Variants in CALN1 observed in about 807,000 individuals in gnomAD.
CALN1 encodes calneuron 1, also known as calcium-binding protein 8.
In CALN1, 17 loss-of-function variants were observed where a neutral mutation model predicts 30.6. The observed-to-expected ratio is 0.56, with a 90% CI of 0.38 to 0.83. CALN1 has a LOEUF of 0.83. Ranked by LOEUF, CALN1 falls within the 40% of genes least tolerant of loss-of-function variation. CALN1 has a pLI of 0.00. For missense variants in CALN1, 291 were observed against 354.9 expected, an observed-to-expected ratio of 0.82 and a Z score of 1.45; for synonymous variants, 156 against 131.4, an observed-to-expected ratio of 1.19 and a Z score of -1.28.
intron 3 of CALN1, among the ~76,000 whole-genome samples, chr7:72,195,947 T>C (rs796260490): frequency 1.1e-4 from 17 of 152,260 alleles, no homozygotes; most frequent in African/African-American, 4.1e-4. Context: ...TGAAGGAAAC[T>C]TGAAAACATT....
chr7:72,275,049 A>G lies in CALN1; in HGVS notation c.244+3637T>C, dbSNP rs1214577317. ...TTGGCCCTTACACTGGAGGAAAGGG[A>G]TTTTCCATCATTGGTGATAAACACG... On this transcript the variant is annotated intron_variant, in intron 3 of 6. Coordinates refer to ENST00000395275, the MANE Select transcript of CALN1 (RefSeq NM_031468.4). 2.0e-5 allele frequency among the ~76,000 whole-genome samples: 3 copies of G among 151,966 alleles called. No individual in the cohort carries two copies. The East Asian group carries it at 5.8e-4, about 29-fold the overall frequency.
the CALN1 span, among the ~76,000 whole-genome samples, chr7:72,489,339 T>C: frequency 6.6e-5 from 10 of 152,350 alleles, no homozygotes; most frequent in Middle Eastern, 3.4e-3. Context: ...CACAGTCTTA[T>C]CTGTAAATAT....
At chr7:72,405,031 G>A (rs1465398924) in intron 1 of CALN1, among the ~76,000 whole-genome samples, 2 of 152,188 alleles carry the variant, frequency 1.3e-5, no homozygotes, top group Non-Finnish European at 2.9e-5. Flanking sequence ...GGACCAGATG[G>A]TGTCTGGGTG....
intron 3 of CALN1, among the ~76,000 whole-genome samples, chr7:72,119,859 G>T (rs1256305949): frequency 1.3e-5 from 2 of 152,146 alleles, no homozygotes; most frequent in Non-Finnish European, 2.9e-5. Flanking sequence ...TGTGGGAATT[G>T]TGGGAGCTAA....
chr7:71,785,804 C>G lies in CALN1; in HGVS notation c.*1971G>C. 6.5e-6 allele frequency: 1 copy of G among 153,250 alleles called. No homozygotes were observed. Among genetic ancestry groups the G allele is most frequent in the Non-Finnish European group, 1.5e-5 (1 of 68,502 alleles). 9.5% of individuals were successfully genotyped at this position (153,250 alleles called of 1,614,324 possible). On this transcript the variant is annotated 3_prime_UTR_variant, in exon 7 of 7. Coordinates refer to ENST00000395275, the MANE Select transcript of CALN1 (RefSeq NM_031468.4). ...AAGGGGACAGTGGTGAGTCAGCCAA[C>G]AGGAGCAGCAGAAGGGGCAGGCATG...
chr7:72,392,252 C>A (rs1471205891), intron 2 of CALN1, among the ~76,000 whole-genome samples: 1 of 152,214 alleles, frequency 6.6e-6, no homozygotes, highest in Non-Finnish European at 1.5e-5. Flanking sequence ...GTTTCTCCAA[C>A]AGAGGTACCA....
intron 3 of CALN1, among the ~76,000 whole-genome samples, chr7:72,239,719 GAC>G (rs1381703314): frequency 6.6e-6 from 1 of 151,994 alleles, no homozygotes. Context: ...ATTTTCTAAT[GAC>G]ACAGAATGCC....
chr7:72,357,742 G>C (rs1000213972), intron 2 of CALN1, among the ~76,000 whole-genome samples: 8 of 151,066 alleles, frequency 5.3e-5, no homozygotes, highest in East Asian at 1.9e-4. Context: ...TGTTGGCAGA[G>C]GTAAAAAGAA....
chr7:72,203,860 T>C (rs1791613324), intron 3 of CALN1, among the ~76,000 whole-genome samples: 2 of 151,824 alleles, frequency 1.3e-5, no homozygotes, highest in African/African-American at 2.4e-5. Flanking sequence ...GCAGAAGATA[T>C]ACAAAAGCCA....
chr7:71,790,953 G>A (rs1453544582), intron 6 of CALN1, among the ~76,000 whole-genome samples: 1 of 152,104 alleles, frequency 6.6e-6, no homozygotes, highest in Non-Finnish European at 1.5e-5. Flanking sequence ...AGACTGCGTA[G>A]CAAAAGAAAA....
At chr7:72,044,599 CTTTTTTTTTTTT>C (rs549079139) in intron 4 of CALN1, among the ~76,000 whole-genome samples, 1,806 of 96,702 alleles carry the variant, frequency 0.019, 63 homozygotes, top group African/African-American at 0.066. Flanking sequence ...CCGCTTAAAA[CTTTTTTTTTTTT>C]TTTTTTTTTT....
intron 6 of CALN1, among the ~76,000 whole-genome samples, chr7:71,805,941 A>G (rs1276852452): frequency 6.6e-6 from 1 of 152,196 alleles, no homozygotes; most frequent in Non-Finnish European, 1.5e-5. Flanking sequence ...TTGCAGGGAC[A>G]TAGATGGAGC....
rs61218281 is a variant in CALN1 at position 71,998,574 on chromosome 7, CT to C, written c.501+25082del. Among the ~76,000 whole-genome samples the C allele has an allele frequency of 4.5e-3, 646 of 142,550 alleles. 1 individual carries two copies. Among genetic ancestry groups the C allele is most frequent in the Middle Eastern group, 7.4e-3 (2 of 272 alleles). 93.5% of individuals were successfully genotyped at this position (142,550 alleles called of 152,430 possible). On this transcript the variant is annotated intron_variant, in intron 5 of 6. Coordinates refer to ENST00000395275, the MANE Select transcript of CALN1 (RefSeq NM_031468.4). ...TACAAAAACTATACGAACAGATATA[CT>C]TTTTTTTTTTTTTTGAGACAGTCTC...
intron 3 of CALN1, among the ~76,000 whole-genome samples, chr7:72,265,685 A>G (rs1796552159): frequency 6.6e-6 from 1 of 152,116 alleles, no homozygotes; most frequent in African/African-American, 2.4e-5. Context: ...TTCCTCAAAT[A>G]GCTCAAGTCA....
At position 71,872,140 on chromosome 7, in the gene CALN1, C is replaced by T. The variant is rs78925587; in HGVS notation, c.502-61648G>A. On this transcript the variant is annotated intron_variant, in intron 5 of 6. Transcript: ENST00000395275. ...TAGTAGGTCTATCATTGATTTATCC[C>T]CTTGCTAGTTTATTCAGAGGTTGAC... 3.9e-5 allele frequency among the ~76,000 whole-genome samples: 6 copies of T among 152,206 alleles called. No homozygotes were observed. In the East Asian group the frequency reaches 9.6e-4, roughly 24 times the overall value.
chr7:71,842,221 G>A lies in CALN1; in HGVS notation c.502-31729C>T, dbSNP rs1009237854. Among the ~76,000 whole-genome samples the A allele has an allele frequency of 3.9e-5, 6 of 152,180 alleles. No homozygotes were observed. The East Asian group carries it at 1.2e-3, about 29-fold the overall frequency. On this transcript the variant is annotated intron_variant, in intron 5 of 6. Coordinates refer to ENST00000395275, the MANE Select transcript of CALN1 (RefSeq NM_031468.4). ...CTTTGACAAGCAGGATTCACCCAATGTGACAATGGAGAATTGCAGCTTGAG... is the reference window on the plus strand; with the variant it reads ...CTTTGACAAGCAGGATTCACCCAATATGACAATGGAGAATTGCAGCTTGAG...
chr7:72,233,787 T>C (rs1313413100), intron 3 of CALN1, among the ~76,000 whole-genome samples: 1 of 152,082 alleles, frequency 6.6e-6, no homozygotes, highest in East Asian at 1.9e-4. Flanking sequence ...GCGGATAATC[T>C]GAGGTCAGGA....
rs958202658 is a variant in CALN1, at chr7:71,787,041, G to C, written c.*734C>G. The C allele has an allele frequency of 6.5e-6, 1 of 152,742 alleles. No individual in the cohort carries two copies. The highest frequency in any genetic ancestry group is 2.4e-5 in the African/African-American group (1 of 41,470). The allele number at this position is 152,742 out of a possible 1,614,324, so 9.5% of individuals were successfully genotyped here. ...ATGGCAGCACAGGCGGCAAAGCTGG[G>C]AGAAAGGCTCTCTGCAGGTTCCAAA... On this transcript the variant is annotated 3_prime_UTR_variant, in exon 7 of 7. Transcript: ENST00000395275.
the CALN1 span, among the ~76,000 whole-genome samples, chr7:72,487,884 GA>G: frequency 0.061 from 3,140 of 51,508 alleles, 147 homozygotes; most frequent in African/African-American, 0.1. Flanking sequence ...AAGAAAGAAA[GA>G]AAAGAAAAGA....
Sources: gnomAD v4.1 joint callset for allele counts (sites outside exome capture counted in the v4.1 genomes callset) on GRCh38, gnomAD v4.1.1 for gene constraint, MANE v1.5 for transcripts, NCBI Gene and HGNC (gene_info 2026-07-23, HGNC 2026-07-21) for gene names.